The following CDC42BPA variants were observed in gnomAD, a reference collection of about 807,000 sequenced individuals.
CDC42BPA encodes the protein serine/threonine-protein kinase MRCK alpha.
CDC42BPA carries 80 observed loss-of-function variants against 223.5 expected under a neutral mutation model. That is an observed-to-expected ratio of 0.36 (90% CI 0.30 to 0.43). CDC42BPA has a LOEUF of 0.43. Ranked by LOEUF, CDC42BPA falls within the 20% of genes least tolerant of loss-of-function variation. The pLI, the probability that CDC42BPA is intolerant of heterozygous loss-of-function variation, is 1.00. For missense variants in CDC42BPA, 1,743 were observed against 2,099.9 expected, an observed-to-expected ratio of 0.83 and a Z score of 3.32; for synonymous variants, 694 against 718.6, an observed-to-expected ratio of 0.97 and a Z score of 0.55.
intron 1 of CDC42BPA, among the ~76,000 whole-genome samples, chr1:227,264,349 A>T (rs1213494841): frequency 6.6e-6 from 1 of 151,484 alleles, no homozygotes; most frequent in Middle Eastern, 3.2e-3. Flanking sequence ...GTATCTGAGG[A>T]TCATGTACTG....
chr1:227,092,333 T>A (rs1054193473), intron 15 of CDC42BPA, among the ~76,000 whole-genome samples: 1 of 152,226 alleles, frequency 6.6e-6, no homozygotes, highest in Non-Finnish European at 1.5e-5. Context: ...TAAAATGAAC[T>A]AATTTCAGAT....
intron 11 of CDC42BPA, among the ~76,000 whole-genome samples, chr1:227,126,825 G>A (rs1466051938): frequency 6.6e-6 from 1 of 152,130 alleles, no homozygotes; most frequent in Non-Finnish European, 1.5e-5. Flanking sequence ...TAGAAGTACA[G>A]AAACAGAGGA....
At chr1:227,010,373 TA>T (rs1432037022) in intron 34 of CDC42BPA, among the ~76,000 whole-genome samples, 1 of 152,240 alleles carries the variant, frequency 6.6e-6, no homozygotes, top group Non-Finnish European at 1.5e-5. Flanking sequence ...ATTAATTTTT[TA>T]ACTTTTCACT....
At chr1:227,275,971 A>T (rs112282634) in intron 1 of CDC42BPA, among the ~76,000 whole-genome samples, 1 of 151,584 alleles carries the variant, frequency 6.6e-6, no homozygotes, top group Non-Finnish European at 1.5e-5. Flanking sequence ...CCTCCCAGCC[A>T]CCTGCCTTGG....
intron 1 of CDC42BPA, among the ~76,000 whole-genome samples, chr1:227,297,954 G>GTA (rs371424194): frequency 0.21 from 27,001 of 126,680 alleles, 2,761 homozygotes; most frequent in Middle Eastern, 0.32. Flanking sequence ...GTGTGTGTGT[G>GTA]TATATATACA....
At chr1:227,253,460 A>C (rs1198650366) in intron 2 of CDC42BPA, among the ~76,000 whole-genome samples, 1 of 152,088 alleles carries the variant, frequency 6.6e-6, no homozygotes, top group Non-Finnish European at 1.5e-5. Context: ...GCTGGGCCTG[A>C]TGGCGGACGC....
chr1:227,163,052 GTA>G (rs879767961), intron 5 of CDC42BPA, among the ~76,000 whole-genome samples: 21,175 of 115,448 alleles, frequency 0.18, 2,202 homozygotes, highest in Non-Finnish European at 0.21. Flanking sequence ...AAACATATGT[GTA>G]TGTTTCCAAA....
At chr1:227,220,311 TACACACACACACACACATACATATATGG>T (rs1675654774) in intron 2 of CDC42BPA, among the ~76,000 whole-genome samples, 2 of 49,522 alleles carry the variant, frequency 4.0e-5, no homozygotes, top group South Asian at 6.1e-4. Context: ...TATATATATA[TACACACACACACACACATACATATATGG>T]ATATATATAA....
chr1:227,015,249 C>T (rs867144048), intron 34 of CDC42BPA, among the ~76,000 whole-genome samples: 2 of 151,834 alleles, frequency 1.3e-5, no homozygotes, highest in Non-Finnish European at 2.9e-5. Context: ...CATGGTGAAA[C>T]CCCATCTCTA....
intron 11 of CDC42BPA, among the ~76,000 whole-genome samples, chr1:227,123,474 T>C (rs189754582): frequency 7.2e-4 from 110 of 152,256 alleles, no homozygotes; most frequent in African/African-American, 2.5e-3. Flanking sequence ...AAGAGAAATA[T>C]AAAACATGGA....
chr1:227,280,134 T>A (rs1687770999), intron 1 of CDC42BPA, among the ~76,000 whole-genome samples: 1 of 152,206 alleles, frequency 6.6e-6, no homozygotes, highest in Non-Finnish European at 1.5e-5. Context: ...TTATTTTCTA[T>A]TAGAATAAGT....
chr1:227,081,446 TTCTC>T (rs900256841), intron 16 of CDC42BPA, among the ~76,000 whole-genome samples: 30 of 144,274 alleles, frequency 2.1e-4, no homozygotes, highest in South Asian at 8.5e-4. Context: ...TGTACGCCTG[TTCTC>T]TCTCTCTTTT....
In CDC42BPA at chr1:227,112,431, C is replaced by A; in HGVS notation, c.1891-9G>T. ...TCTGTATGAACTTCCAGCTTTAAAA[C>A]AGAATGAAAAATGCAGATTTCACGG... On this transcript the variant is annotated splice_polypyrimidine_tract_variant and intron_variant, in intron 13 of 36. Coordinates refer to ENST00000366766, the MANE Select transcript of CDC42BPA (RefSeq NM_001394014.1). The A allele has an allele frequency of 1.3e-6, 2 of 1,557,708 alleles. No homozygotes were observed. The highest frequency in any genetic ancestry group is 1.7e-6 in the Non-Finnish European group (2 of 1,150,156).
chr1:227,202,895 A>G (rs1672039652), intron 3 of CDC42BPA, among the ~76,000 whole-genome samples: 1 of 152,102 alleles, frequency 6.6e-6, no homozygotes, highest in Non-Finnish European at 1.5e-5. Flanking sequence ...ACACCATCGC[A>G]CTCTAACCTG....
rs764528900 is a variant in CDC42BPA at position 227,074,022 on chromosome 1, A to G, written c.2587-10T>C. 1.2e-6 allele frequency: 2 copies of G among 1,607,352 alleles called. No individual in the cohort carries two copies. Among genetic ancestry groups the G allele is most frequent in the Admixed American group, 1.7e-5 (1 of 58,118 alleles). ...TTTTCCAGGGCATATCCTATGAAAT[A>G]ATGACTGTGTTTTTAGTTCCATCCT... On this transcript the variant is annotated splice_polypyrimidine_tract_variant and intron_variant, in intron 18 of 36. Transcript: ENST00000366766.
intron 5 of CDC42BPA, among the ~76,000 whole-genome samples, chr1:227,172,561 AAAAAG>A (rs1162893387): frequency 1.3e-5 from 2 of 152,282 alleles, no homozygotes; most frequent in South Asian, 4.2e-4. Flanking sequence ...AGCAAATGAG[AAAAAG>A]AAGAGAAAAG....
At chr1:227,100,163 G>T (rs575470286) in intron 15 of CDC42BPA, among the ~76,000 whole-genome samples, 1 of 151,848 alleles carries the variant, frequency 6.6e-6, no homozygotes, top group Non-Finnish European at 1.5e-5. Flanking sequence ...TGCTTATTAC[G>T]TTCTCCAGGT....
At chr1:227,043,431 T>A (rs946117713) in intron 23 of CDC42BPA, among the ~76,000 whole-genome samples, 24 of 150,892 alleles carry the variant, frequency 1.6e-4, no homozygotes, top group African/African-American at 4.9e-4. Flanking sequence ...AAAAAAAAAA[T>A]TTAATTTTCT....
In CDC42BPA at chr1:227,263,655, C is replaced by A. The variant is rs546505644; in HGVS notation, c.179-9500G>T. ...GCAGTGTAATGGCATGATCTTGGCT[C>A]ACTGCAGTCTCCGCCTCCCAGGTTC... On this transcript the variant is annotated intron_variant, in intron 1 of 36. Transcript: ENST00000366766. 7.3e-5 allele frequency among the ~76,000 whole-genome samples: 11 copies of A among 150,272 alleles called. No individual in the cohort carries two copies. In the South Asian group the frequency reaches 2.3e-3, roughly 32 times the overall value.
Sources: allele counts gnomAD v4.1 joint callset (sites outside exome capture counted in the v4.1 genomes callset), GRCh38; gene constraint gnomAD v4.1.1; transcripts MANE v1.5; gene names NCBI Gene and HGNC (gene_info 2026-07-23, HGNC 2026-07-21).